LUZP2: variants seen among roughly 807,000 people sequenced by gnomAD.
LUZP2 encodes leucine zipper protein 2.
LUZP2 carries 52 observed loss-of-function variants against 51.6 expected under a neutral mutation model. The observed-to-expected ratio is 1.01, with a 90% CI of 0.81 to 1.27. LUZP2 has a LOEUF of 1.27. Among genes scored for constraint, LUZP2 ranks in the 50% most tolerant of loss-of-function variants. The probability of loss-of-function intolerance (pLI) is 0.00; values close to 1 mark genes in which losing one functional copy is unlikely to be tolerated. For synonymous variants in LUZP2, 154 were observed against 137.3 expected, an observed-to-expected ratio of 1.12 and a Z score of -0.85; for missense variants, 436 against 395.4, an observed-to-expected ratio of 1.10 and a Z score of -0.87.
chr11:25,003,706 C>G (rs1856757451), intron 9 of LUZP2, among the ~76,000 whole-genome samples: 1 of 152,172 alleles, frequency 6.6e-6, no homozygotes, highest in Non-Finnish European at 1.5e-5. Context: ...CTGATTTTGA[C>G]TGGGCAGGCA....
intron 5 of LUZP2, among the ~76,000 whole-genome samples, chr11:24,827,947 C>A (rs1003859775): frequency 1.3e-5 from 2 of 151,954 alleles, no homozygotes; most frequent in Non-Finnish European, 2.9e-5. Flanking sequence ...ATGCATTAGA[C>A]TAGACCAAGC....
intron 5 of LUZP2, chr11:24,786,113 G>T: frequency 1.0e-6 from 1 of 985,108 alleles, no homozygotes. Flanking sequence ...TTTAATTTAG[G>T]CCCTCACAAA....
intron 5 of LUZP2, among the ~76,000 whole-genome samples, chr11:24,814,811 T>C (rs1316670204): frequency 6.6e-6 from 1 of 151,948 alleles, no homozygotes; most frequent in Admixed American, 6.6e-5. Flanking sequence ...GCTAACACGG[T>C]GAAACCCCTT....
chr11:24,927,844 C>T (rs571323758), intron 7 of LUZP2, among the ~76,000 whole-genome samples: 14 of 152,024 alleles, frequency 9.2e-5, no homozygotes, highest in Admixed American at 2.0e-4. Context: ...GTCATTATCA[C>T]GATATTGATT....
intron 1 of LUZP2, among the ~76,000 whole-genome samples, chr11:24,668,948 C>T (rs1209015041): frequency 6.6e-6 from 1 of 152,092 alleles, no homozygotes; most frequent in African/African-American, 2.4e-5. Flanking sequence ...CAGAAAATGT[C>T]AAACTTGCAC....
At chr11:24,549,860 T>C (rs1336290985) in intron 1 of LUZP2, among the ~76,000 whole-genome samples, 1 of 152,072 alleles carries the variant, frequency 6.6e-6, no homozygotes, top group Non-Finnish European at 1.5e-5. Context: ...TCTATGGTCA[T>C]TTATGGACAT....
intron 7 of LUZP2, among the ~76,000 whole-genome samples, chr11:24,915,272 A>G (rs1181177236): frequency 6.6e-6 from 1 of 152,118 alleles, no homozygotes. Context: ...AACAGTGTCA[A>G]CAAACCTCAG....
intron 9 of LUZP2, among the ~76,000 whole-genome samples, chr11:25,017,338 C>A (rs1857189780): frequency 6.6e-6 from 1 of 151,958 alleles, no homozygotes; most frequent in African/African-American, 2.4e-5. Flanking sequence ...GTCATAAATT[C>A]TTTACTACAA....
At chr11:24,691,004 A>C (rs1857047399) in intron 1 of LUZP2, among the ~76,000 whole-genome samples, 1 of 152,114 alleles carries the variant, frequency 6.6e-6, no homozygotes, top group African/African-American at 2.4e-5. Context: ...CTGTTTAAAA[A>C]TAATGCAGTT....
intron 5 of LUZP2, among the ~76,000 whole-genome samples, chr11:24,886,714 G>C (rs1202969267): frequency 6.6e-6 from 1 of 152,122 alleles, no homozygotes; most frequent in African/African-American, 2.4e-5. Flanking sequence ...ACATTAAAAA[G>C]TGAAAAATTG....
chr11:24,769,941 C>T (rs976965013), intron 5 of LUZP2, among the ~76,000 whole-genome samples: 2 of 152,058 alleles, frequency 1.3e-5, no homozygotes, highest in African/African-American at 4.8e-5. Flanking sequence ...TATAGACATG[C>T]ACCAGCACCC....
In LUZP2 at chr11:24,859,362, C is replaced by A. The variant is rs139778685; in HGVS notation, c.397-46629C>A. ...ATTCATCCTACACTGAAAAGAACCA[C>A]CCCATTTCTCCCACTTTAAACCATA... On this transcript the variant is annotated intron_variant, in intron 5 of 11. Coordinates refer to ENST00000336930, the MANE Select transcript of LUZP2 (RefSeq NM_001009909.4). Among the ~76,000 whole-genome samples, 158 of 150,722 alleles carry A rather than the reference C, an allele frequency of 1.0e-3. 1 individual carries two copies. The East Asian group carries it at 0.025, about 24-fold the overall frequency.
chr11:24,729,279 A>G lies in LUZP2; in HGVS notation c.173A>G (p.Asn58Ser), dbSNP rs1858617682. 6.5e-7 allele frequency: 1 copy of G among 1,531,072 alleles called. No individual in the cohort carries two copies. The highest frequency in any genetic ancestry group is 2.3e-5 in the East Asian group (1 of 42,794). 94.8% of individuals were successfully genotyped at this position (1,531,072 alleles called of 1,614,324 possible). ...AGAGAACTTGATGGAATTAAAGTCA[A>G]TCTTCAGGTGAGATGAGAACTCATT... is the stretch of plus-strand genomic sequence containing the variant. ...TSRELDGIKV[N>S]LQSLKNDEQS... The change falls in exon 2 of 12, where the codon AAT becomes AGT. Residue 58 changes from asparagine (N) to serine (S), a missense_variant. Physicochemically the swap from Asn to Ser is conservative, Grantham distance 46. Coordinates refer to ENST00000336930, the MANE Select transcript of LUZP2 (RefSeq NM_001009909.4).
chr11:24,914,471 T>C lies in LUZP2; in HGVS notation c.460-5T>C. 6.2e-7 allele frequency: 1 copy of C among 1,601,836 alleles called. No homozygotes were observed. Among genetic ancestry groups the C allele is most frequent in the Non-Finnish European group, 8.5e-7 (1 of 1,173,204 alleles). ...ACACAACTTATCCATGTTTTTGCCT[T>C]ACAGTCAAAAAAAATCCAAGCCCAG... On this transcript the variant is annotated splice_region_variant and splice_polypyrimidine_tract_variant and intron_variant, in intron 6 of 11. Coordinates refer to ENST00000336930, the MANE Select transcript of LUZP2 (RefSeq NM_001009909.4).
chr11:24,920,597 A>G (rs1044547154), intron 7 of LUZP2, among the ~76,000 whole-genome samples: 4 of 152,090 alleles, frequency 2.6e-5, no homozygotes, highest in East Asian at 1.9e-4. Flanking sequence ...ATGGAATGCT[A>G]TTCAACTATA....
intron 1 of LUZP2, among the ~76,000 whole-genome samples, chr11:24,707,447 T>TA (rs888453256): frequency 4.0e-5 from 6 of 151,182 alleles, no homozygotes; most frequent in East Asian, 3.9e-4. Context: ...GATGGACAAC[T>TA]AAAAAAAAAT....
chr11:24,750,409 T>A (rs190905887), intron 4 of LUZP2, among the ~76,000 whole-genome samples: 1 of 152,328 alleles, frequency 6.6e-6, no homozygotes, highest in East Asian at 1.9e-4. Context: ...GAAAGAAGAA[T>A]GAACACAATT....
intron 1 of LUZP2, among the ~76,000 whole-genome samples, chr11:24,500,442 A>G (rs962528836): frequency 2.0e-5 from 3 of 152,224 alleles, no homozygotes; most frequent in Non-Finnish European, 4.4e-5. Context: ...TAGAATGACT[A>G]TACTTTTAAG....
rs189948738 is a variant in LUZP2 at position 24,617,844 on chromosome 11, T to C, written c.63-111325T>C. On this transcript the variant is annotated intron_variant, in intron 1 of 11. Transcript: ENST00000336930. ...CTGCCTCCAAAAATAGTAATAATAA[T>C]AACAATAATAAATAAATAAATAAAT... Among the ~76,000 whole-genome samples, 9 of 151,872 alleles carry C rather than the reference T, an allele frequency of 5.9e-5. No individual in the cohort carries two copies. The East Asian group carries it at 1.7e-3, about 30-fold the overall frequency.
Sources: gnomAD v4.1 joint callset for allele counts (sites outside exome capture counted in the v4.1 genomes callset) on GRCh38, gnomAD v4.1.1 for gene constraint, MANE v1.5 for transcripts, NCBI Gene and HGNC (gene_info 2026-07-23, HGNC 2026-07-21) for gene names.